Variants in MAML3 observed in about 807,000 individuals in gnomAD.
The protein encoded by MAML3 is mastermind-like protein 3.
MAML3 carries 27 observed loss-of-function variants against 101.9 expected under a neutral mutation model. That is an observed-to-expected ratio of 0.27 (90% CI 0.20 to 0.37). The LOEUF (loss-of-function observed/expected upper bound fraction) is 0.37. Ranked by LOEUF, MAML3 falls within the 10% of genes least tolerant of loss-of-function variation. The probability of loss-of-function intolerance (pLI) is 1.00; values close to 1 mark genes in which losing one functional copy is unlikely to be tolerated. For synonymous variants in MAML3, 501 were observed against 555.9 expected, an observed-to-expected ratio of 0.90 and a Z score of 1.39; for missense variants, 1,316 against 1,444.9, an observed-to-expected ratio of 0.91 and a Z score of 1.45.
At chr4:139,885,731 G>A (rs1249157019) in intron 2 of MAML3, among the ~76,000 whole-genome samples, 2 of 148,150 alleles carry the variant, frequency 1.3e-5, no homozygotes, top group East Asian at 2.0e-4. Flanking sequence ...AGACCATCCT[G>A]GCTAACACGG....
intron 2 of MAML3, among the ~76,000 whole-genome samples, chr4:139,795,559 T>C (rs141393986): frequency 1.4e-3 from 209 of 152,336 alleles, no homozygotes; most frequent in African/African-American, 4.9e-3. Context: ...TGTGTTCTTT[T>C]ATGGGAGTGG....
In MAML3 at chr4:139,984,334, G is replaced by T. The variant is rs771527944; in HGVS notation, c.469-93367C>A. The stretch of plus-strand genomic sequence containing the variant: ...CAAATATATTGACAGGGGTTGAGAT[G>T]GAAAGAAAAGGATAGTAACCAAGGT... On this transcript the variant is annotated intron_variant, in intron 1 of 4. Transcript: ENST00000509479. Among the ~76,000 whole-genome samples, 30 of 152,136 alleles carry T rather than the reference G, an allele frequency of 2.0e-4. 1 individual carries two copies. The highest frequency in any genetic ancestry group is 4.1e-4 in the South Asian group (2 of 4,826).
intron 1 of MAML3, among the ~76,000 whole-genome samples, chr4:140,073,982 A>C (rs1727710585): frequency 6.6e-6 from 1 of 151,804 alleles, no homozygotes; most frequent in Non-Finnish European, 1.5e-5. Context: ...AAATACAAAA[A>C]TTAACCGGGC....
Position 139,889,789 on chromosome 4 carries a change from G to A in MAML3, c.1647C>T (p.Asn549=), listed in dbSNP as rs1180439483. 6.2e-7 allele frequency: 1 copy of A among 1,613,902 alleles called. No homozygotes were observed. The highest frequency in any genetic ancestry group is 1.3e-5 in the African/African-American group (1 of 74,914). The change falls in exon 2 of 5, where the codon AAC becomes AAT. Residue 549 remains asparagine, a synonymous_variant. Coordinates refer to ENST00000509479, the MANE Select transcript of MAML3 (RefSeq NM_018717.5). ...SPMMYPQAFN[N]QNPIVPPMAN... is the part of the protein sequence containing the mutation. ...CCATTGGAGGCACTATAGGGTTTTGGTTGTTAAAGGCTTGGGGGTACATCA... is the reference window on the plus strand; with the variant it reads ...CCATTGGAGGCACTATAGGGTTTTGATTGTTAAAGGCTTGGGGGTACATCA...
chr4:140,121,200 A>AG (rs1728601458), intron 1 of MAML3, among the ~76,000 whole-genome samples: 1 of 152,230 alleles, frequency 6.6e-6, no homozygotes, highest in Admixed American at 6.5e-5. Context: ...TCCGAAGCAG[A>AG]GACATTTAGC....
intron 1 of MAML3, among the ~76,000 whole-genome samples, chr4:140,086,954 G>A (rs1560889158): frequency 6.6e-6 from 1 of 152,220 alleles, no homozygotes; most frequent in Non-Finnish European, 1.5e-5. Context: ...GAGATCAGGA[G>A]TTCGAGACCG....
intron 1 of MAML3, among the ~76,000 whole-genome samples, chr4:140,143,350 A>G (rs1729006107): frequency 6.6e-6 from 1 of 152,252 alleles, no homozygotes; most frequent in African/African-American, 2.4e-5. Flanking sequence ...GGCAGAAGGC[A>G]ACAACTAAGT....
chr4:139,969,743 AG>A (rs1482632918), intron 1 of MAML3, among the ~76,000 whole-genome samples: 1 of 152,156 alleles, frequency 6.6e-6, no homozygotes, highest in Non-Finnish European at 1.5e-5. Context: ...AGATGAGAAA[AG>A]CATGCTCTAC....
At chr4:139,807,223 A>T (rs961494436) in intron 2 of MAML3, among the ~76,000 whole-genome samples, 1 of 152,150 alleles carries the variant, frequency 6.6e-6, no homozygotes, top group African/African-American at 2.4e-5. Flanking sequence ...AACTGACAAG[A>T]CTTGCCATTC....
chr4:140,027,881 A>G (rs1359406201), intron 1 of MAML3, among the ~76,000 whole-genome samples: 2 of 152,130 alleles, frequency 1.3e-5, no homozygotes, highest in African/African-American at 4.8e-5. Context: ...CTGTTTTCCA[A>G]TTTTCAAAAC....
chr4:139,850,675 G>A (rs1731532095), intron 2 of MAML3, among the ~76,000 whole-genome samples: 1 of 151,370 alleles, frequency 6.6e-6, no homozygotes. Context: ...CGAGTAGCTG[G>A]GACCACAGGT....
intron 2 of MAML3, among the ~76,000 whole-genome samples, chr4:139,847,426 T>A (rs1036373635): frequency 2.0e-5 from 3 of 152,178 alleles, no homozygotes; most frequent in African/African-American, 4.8e-5. Flanking sequence ...TACACATGTT[T>A]CCATGCACAC....
chr4:140,134,420 C>T, intron 1 of MAML3: 1 of 456,516 alleles, frequency 2.2e-6, no homozygotes, highest in South Asian at 1.5e-5. Context: ...TGTTCCCCAA[C>T]CCTGAATGCT....
At chr4:139,823,427 G>A (rs1007194234) in intron 2 of MAML3, among the ~76,000 whole-genome samples, 1 of 152,168 alleles carries the variant, frequency 6.6e-6, no homozygotes, top group African/African-American at 2.4e-5. Context: ...GTGGCAGCCA[G>A]GGCTGGAGCA....
chr4:139,724,333 C>T (rs1728381337), intron 4 of MAML3, among the ~76,000 whole-genome samples: 1 of 152,130 alleles, frequency 6.6e-6, no homozygotes, highest in African/African-American at 2.4e-5. Flanking sequence ...GGGTTTAAAA[C>T]AGAAAGAAAA....
chr4:139,817,669 G>A (rs28707574), intron 2 of MAML3, among the ~76,000 whole-genome samples: 2,270 of 152,250 alleles, frequency 0.015, 62 homozygotes, highest in African/African-American at 0.051. Context: ...TTCTATGCCG[G>A]GTTAGGGGGA....
chr4:139,962,344 A>C (rs1260044059), intron 1 of MAML3, among the ~76,000 whole-genome samples: 1 of 152,254 alleles, frequency 6.6e-6, no homozygotes, highest in East Asian at 1.9e-4. Context: ...GATCTCATTG[A>C]AATATTTGGT....
intron 1 of MAML3, among the ~76,000 whole-genome samples, chr4:140,036,830 A>G (rs1726993468): frequency 6.6e-6 from 1 of 152,192 alleles, no homozygotes; most frequent in African/African-American, 2.4e-5. Flanking sequence ...CCTAGAGCCA[A>G]TCTTTAGAAT....
intron 1 of MAML3, among the ~76,000 whole-genome samples, chr4:140,044,344 G>T (rs182776230): frequency 2.0e-5 from 3 of 152,320 alleles, no homozygotes; most frequent in Admixed American, 1.3e-4. Flanking sequence ...CAATGGCGAT[G>T]CTTCAACATG....
Sources: allele counts gnomAD v4.1 joint callset (sites outside exome capture counted in the v4.1 genomes callset), GRCh38; gene constraint gnomAD v4.1.1; transcripts MANE v1.5; gene names NCBI Gene and HGNC (gene_info 2026-07-23, HGNC 2026-07-21).